ZNF503: variants seen among roughly 807,000 people sequenced by gnomAD.
ZNF503 encodes the protein zinc finger protein 503.
Under a neutral mutation model 34.4 loss-of-function variants are expected in ZNF503, and 15 were observed. The observed-to-expected ratio is 0.44, with a 90% CI of 0.29 to 0.67. The LOEUF (loss-of-function observed/expected upper bound fraction) is 0.67. Among genes scored for constraint, ZNF503 ranks in the 30% least tolerant of loss-of-function variants. ZNF503 has a pLI of 0.13. For missense variants in ZNF503, 1,007 were observed against 926.8 expected (o/e 1.09, Z -1.12); for synonymous variants, 580 against 456.8 (o/e 1.27, Z -3.44).
chr10:75,349,793 G>A, the ZNF503 span, among the ~76,000 whole-genome samples: 1 of 152,202 alleles, frequency 6.6e-6, no homozygotes, highest in Non-Finnish European at 1.5e-5. Context: ...GCCAAACCCA[G>A]AACCAGGGTC....
At chr10:75,325,327 A>AT in the ZNF503 span, among the ~76,000 whole-genome samples, 145 of 119,416 alleles carry the variant, frequency 1.2e-3, no homozygotes, top group East Asian at 9.2e-3. Context: ...ATATATATAT[A>AT]TATTTTTTTT....
chr10:75,346,577 C>CTA, the ZNF503 span, among the ~76,000 whole-genome samples: 1 of 151,822 alleles, frequency 6.6e-6, no homozygotes, highest in African/African-American at 2.4e-5. Context: ...GTAGCTGAGA[C>CTA]TATAGGCATG....
chr10:75,295,506 T>G, the ZNF503 span: 3 of 152,276 alleles, frequency 2.0e-5, no homozygotes, highest in Admixed American at 6.5e-5. This position sits in a 1 kb window ranked among gnomAD's most constrained non-coding sequence, Gnocchi z 4.0. Flanking sequence ...TTTTGGAACA[T>G]GAAAAACAGC....
the ZNF503 span, among the ~76,000 whole-genome samples, chr10:75,328,275 G>A: frequency 4.6e-5 from 7 of 152,056 alleles, no homozygotes; most frequent in Non-Finnish European, 8.8e-5. Context: ...TTTATATGGT[G>A]AGAGATAAGT....
At chr10:75,369,203 TG>T in the ZNF503 span, among the ~76,000 whole-genome samples, 1 of 152,214 alleles carries the variant, frequency 6.6e-6, no homozygotes, top group Non-Finnish European at 1.5e-5. Context: ...ACACAAAAAT[TG>T]GTAAGTGTTT....
downstream of ZNF503, among the ~76,000 whole-genome samples, chr10:75,397,244 G>A (rs1367998094): frequency 6.6e-6 from 1 of 152,178 alleles, no homozygotes; most frequent in East Asian, 1.9e-4. Context: ...CGAGGGTTGC[G>A]GGGAGCGTTT....
chr10:75,374,515 C>A, the ZNF503 span, among the ~76,000 whole-genome samples: 1 of 152,166 alleles, frequency 6.6e-6, no homozygotes, highest in African/African-American at 2.4e-5. Flanking sequence ...TTCCACCCAG[C>A]TCACACTCTC....
chr10:75,373,357 C>T, the ZNF503 span: 1 of 152,258 alleles, frequency 6.6e-6, no homozygotes, highest in Non-Finnish European at 1.5e-5. Flanking sequence ...GTCATTTTCT[C>T]TCCGCCCAAT....
chr10:75,300,833 G>C, the ZNF503 span, among the ~76,000 whole-genome samples: 2 of 149,538 alleles, frequency 1.3e-5, no homozygotes, highest in African/African-American at 2.5e-5. Context: ...AGCCTCCCGA[G>C]TAGCTGGGAC....
the ZNF503 span, among the ~76,000 whole-genome samples, chr10:75,320,727 GT>G: frequency 2.4e-3 from 367 of 152,158 alleles, 4 homozygotes; most frequent in African/African-American, 8.3e-3. Flanking sequence ...AATCACATAT[GT>G]TTTTTTCCTC....
At chr10:75,381,476 A>G in the ZNF503 span, among the ~76,000 whole-genome samples, 74 of 152,194 alleles carry the variant, frequency 4.9e-4, 1 homozygote, top group African/African-American at 1.7e-3. Context: ...CCCCACCTCA[A>G]ACTTCCAAAG....
chr10:75,283,587 A>G, the ZNF503 span, among the ~76,000 whole-genome samples: 1 of 152,112 alleles, frequency 6.6e-6, no homozygotes, highest in African/African-American at 2.4e-5. Context: ...GAGTGCAGGG[A>G]GGGAGCAGGT....
At chr10:75,357,277 G>T in the ZNF503 span, among the ~76,000 whole-genome samples, 4 of 152,046 alleles carry the variant, frequency 2.6e-5, no homozygotes, top group South Asian at 2.1e-4. Flanking sequence ...CAACACTTTG[G>T]GGGGCAGAGC....
chr10:75,372,658 G>C, the ZNF503 span, among the ~76,000 whole-genome samples: 1 of 152,214 alleles, frequency 6.6e-6, no homozygotes. Context: ...ATCTATTGTG[G>C]TTTGATAAGA....
At chr10:75,357,269 A>G in the ZNF503 span, among the ~76,000 whole-genome samples, 2 of 151,984 alleles carry the variant, frequency 1.3e-5, no homozygotes, top group Non-Finnish European at 2.9e-5. Context: ...TGTAATTCCA[A>G]CACTTTGGGG....
chr10:75,394,104 T>C (rs1428192865), downstream of ZNF503, among the ~76,000 whole-genome samples: 2 of 152,234 alleles, frequency 1.3e-5, no homozygotes, highest in Admixed American at 1.3e-4. Context: ...CTCAAGCCAC[T>C]GTCTTTCCGC....
At chr10:75,332,411 T>A in the ZNF503 span, among the ~76,000 whole-genome samples, 50 of 152,212 alleles carry the variant, frequency 3.3e-4, no homozygotes, top group South Asian at 3.9e-3. Context: ...ACTCTGCTGT[T>A]AAGCCTATCT....
At chr10:75,373,129 G>A in the ZNF503 span, among the ~76,000 whole-genome samples, 4 of 152,236 alleles carry the variant, frequency 2.6e-5, no homozygotes, top group Non-Finnish European at 4.4e-5. Flanking sequence ...GCCATCTTCC[G>A]CGACTGTCAC....
the ZNF503 span, among the ~76,000 whole-genome samples, chr10:75,371,001 G>A: frequency 6.6e-6 from 1 of 152,058 alleles, no homozygotes; most frequent in Admixed American, 6.6e-5. Flanking sequence ...TAGAAACCTA[G>A]CTCAAAGTGA....
Sources: gnomAD v4.1 joint callset for allele counts (sites outside exome capture counted in the v4.1 genomes callset) on GRCh38, gnomAD v4.1.1 for gene constraint, Gnocchi (gnomAD v3.1) non-coding constraint, MANE v1.5 for transcripts, NCBI Gene and HGNC (gene_info 2026-07-23, HGNC 2026-07-21) for gene names.